ITGA5: variants seen among roughly 807,000 people sequenced by gnomAD.
ITGA5 encodes the protein integrin subunit alpha 5, also known as integrin alpha-5.
Under a neutral mutation model 146.3 loss-of-function variants are expected in ITGA5, and 55 were observed. That is an observed-to-expected ratio of 0.38 (90% confidence interval 0.30 to 0.47). ITGA5 has a LOEUF of 0.47. Among genes scored for constraint, ITGA5 ranks in the 20% least tolerant of loss-of-function variants. The pLI, the probability that ITGA5 is intolerant of heterozygous loss-of-function variation, is 0.99. For missense variants in ITGA5, 1,131 were observed against 1,329.0 expected (o/e 0.85, Z 2.32); for synonymous variants, 500 against 531.8 (o/e 0.94, Z 0.82).
At position 54,404,800 on chromosome 12, in the gene ITGA5, G is replaced by T; in HGVS notation, c.1320C>A (p.Ser440=). The T allele has an allele frequency of 6.2e-7, 1 of 1,613,984 alleles. No homozygotes were observed. The highest frequency in any genetic ancestry group is 8.5e-7 in the Non-Finnish European group (1 of 1,179,920). ...GGPGGLGSKP[S]QVLQPLWAAS... The stretch of plus-strand genomic sequence containing the variant: ...CTGCCCACAGGGGCTGCAGAACCTG[G>T]GAAGGCTTAGAGCCCAGCCCTCCTG... Residue 440 remains serine (S), a synonymous_variant, in exon 13 of 30, where the codon TCC becomes TCA. Transcript: ENST00000293379.
chr12:54,407,650 T>C lies in ITGA5; in HGVS notation c.905A>G (p.Tyr302Cys), dbSNP rs557409701. 5 of 1,612,518 alleles carry C rather than the reference T, an allele frequency of 3.1e-6. No homozygotes were observed. Among genetic ancestry groups the C allele is most frequent in the Non-Finnish European group, 4.2e-6 (5 of 1,178,664 alleles). ...GTGAGGGGTCAGGCTGGGTCTTACA[T>C]AGCCGTAAGTGAGGTTCCCTTTGGG... ...GVPKGNLTYG[Y>C]VTILNGSDIR... The change falls in exon 9 of 30, where the codon TAT (tyrosine) becomes TGT (cysteine). Residue 302 changes from tyrosine to cysteine, a missense_variant and splice_region_variant. This residue lies in a region of ITGA5 where 889 missense variants were observed against 1,021.5 expected (regional missense o/e 0.87). Coordinates refer to ENST00000293379, the MANE Select transcript of ITGA5 (RefSeq NM_002205.5).
At position 54,409,037 on chromosome 12, in the gene ITGA5, GGAGA is replaced by G. The variant is rs1449777267; in HGVS notation, c.584-87_584-84del. 1 of 1,477,158 alleles carries G rather than the reference GGAGA, an allele frequency of 6.8e-7. No individual in the cohort carries two copies. The highest frequency in any genetic ancestry group is 1.7e-5 in the Admixed American group (1 of 58,662). 91.5% of individuals were successfully genotyped at this position (1,477,158 alleles called of 1,614,324 possible). A position where few individuals can be genotyped will look rare whatever the true frequency, so the allele number is the denominator to read the frequency against. On this transcript the variant is annotated intron_variant, in intron 4 of 29. Transcript: ENST00000293379. This position sits in a 1 kb window ranked among gnomAD's most constrained non-coding sequence, Gnocchi z 4.7. Reference sequence around the variant, plus strand: ...AAGAGAGGGCATAGGGAAGGAGGTGGGAGAGAGAACCAGAGAAAGGGCCTTCCTG... The same window carrying G: ...AAGAGAGGGCATAGGGAAGGAGGTGGGAGAACCAGAGAAAGGGCCTTCCTG...
intron 1 of ITGA5, among the ~76,000 whole-genome samples, chr12:54,414,506 T>A (rs1955981406): frequency 6.6e-6 from 1 of 152,212 alleles, no homozygotes; most frequent in South Asian, 2.1e-4. Context: ...TATCTCATGC[T>A]GGTCAGAAAC....
intron 14 of ITGA5, 25 bp from the exon 15 acceptor site, chr12:54,404,271 A>G (rs1592287639): frequency 3.8e-6 from 6 of 1,592,896 alleles, no homozygotes; most frequent in Non-Finnish European, 5.1e-6. Context: ...TGTGGGGTCA[A>G]TAGAATTAGG....
At chr12:54,415,503 A>C (rs1361262887) in intron 1 of ITGA5, among the ~76,000 whole-genome samples, 1 of 152,206 alleles carries the variant, frequency 6.6e-6, no homozygotes, top group African/African-American at 2.4e-5. Context: ...CAGAGGAGTT[A>C]AGTAATGGGC....
intron 2 of ITGA5, among the ~76,000 whole-genome samples, chr12:54,410,887 C>T (rs770902930): frequency 1.3e-5 from 2 of 152,140 alleles, no homozygotes; most frequent in African/African-American, 4.8e-5. Flanking sequence ...CCACCATGCC[C>T]GGCTAATTTT....
Position 54,396,333 on chromosome 12 carries a change from TCCATGGCGGTG to T in ITGA5, c.3099_3109del (p.Thr1034LysfsTer11). 6.2e-7 allele frequency: 1 copy of T among 1,614,156 alleles called. No homozygotes were observed. The highest frequency in any genetic ancestry group is 8.5e-7 in the Non-Finnish European group (1 of 1,179,998). The stretch of plus-strand genomic sequence containing the variant: ...GGCTGGAGGCTTGAGCTGAGCTTTT[TCCATGGCGGTG>T]CCATATGGGAGGGAGCGTTTGAAGA... On this transcript the variant is annotated frameshift_variant, in exon 30 of 30. Transcript: ENST00000293379. LOFTEE classifies it high-confidence loss of function.
intron 1 of ITGA5, among the ~76,000 whole-genome samples, chr12:54,415,605 T>C (rs926709549): frequency 1.3e-5 from 2 of 152,176 alleles, no homozygotes; most frequent in South Asian, 4.1e-4. Flanking sequence ...ATTGCCAACT[T>C]ATTCCCTCCT....
Position 54,416,008 on chromosome 12 carries a change from T to G in ITGA5, c.218+2973A>C, listed in dbSNP as rs556164351. On this transcript the variant is annotated intron_variant, in intron 1 of 29. Coordinates refer to ENST00000293379, the MANE Select transcript of ITGA5 (RefSeq NM_002205.5). The surrounding 1 kb of genome is among the most constrained non-coding windows in gnomAD (Gnocchi z 4.1). ...TCCCTTGAATGTTTCCTAAACTAAC[T>G]TCTGGTTCAAAATTTCTATGACTCC... Among the ~76,000 whole-genome samples the G allele has an allele frequency of 1.1e-4, 17 of 152,224 alleles. No individual in the cohort carries two copies. The highest frequency in any genetic ancestry group is 2.0e-4 in the Admixed American group (3 of 15,290).
In ITGA5 at chr12:54,399,735, G is replaced by C; in HGVS notation, c.2751C>G (p.Phe917Leu). The C allele has an allele frequency of 6.2e-7, 1 of 1,614,168 alleles. No homozygotes were observed. The highest frequency in any genetic ancestry group is 8.5e-7 in the Non-Finnish European group (1 of 1,180,002). Residue 917 changes from phenylalanine (F) to leucine (L), a missense_variant, in exon 27 of 30, where the codon TTC (phenylalanine) becomes TTG (leucine). Phe to Leu is a conservative substitution (Grantham distance 22). Transcript: ENST00000293379. ...QILKCPEAEC[F>L]RLRCELGPLH... ...GGGGCCCGAGCTCACAGCGCAGCCTGAAACACTCAGCCTCCGGGCATTTCT... is the reference window on the plus strand; with the variant it reads ...GGGGCCCGAGCTCACAGCGCAGCCTCAAACACTCAGCCTCCGGGCATTTCT...
chr12:54,404,783 AG>A lies in ITGA5; in HGVS notation c.1336del (p.Leu446CysfsTer29). On this transcript the variant is annotated frameshift_variant, in exon 13 of 30. Transcript: ENST00000293379. LOFTEE classifies it high-confidence loss of function. ...GTCTGGGGTGTGGCTGGCTGCCCAC[AG>A]GGGCTGCAGAACCTGGGAAGGCTTA... ...GSKPSQVLQP[L>X]WAASHTPDFF... The A allele has an allele frequency of 6.2e-7, 1 of 1,613,980 alleles. No individual in the cohort carries two copies. The highest frequency in any genetic ancestry group is 8.5e-7 in the Non-Finnish European group (1 of 1,179,888).
At position 54,408,238 on chromosome 12, in the gene ITGA5, G is replaced by A. The variant is rs1283462208; in HGVS notation, c.692-3C>T. The A allele has an allele frequency of 1.9e-6, 3 of 1,613,916 alleles. No homozygotes were observed. Among genetic ancestry groups the A allele is most frequent in the African/African-American group, 1.3e-5 (1 of 74,926 alleles). ...CTGAGTGGCAGACAGGATCTGGCCT[G>A]GAGAGAGTATGAAGAGGGAGTAGAT... On this transcript the variant is annotated splice_polypyrimidine_tract_variant and splice_region_variant and intron_variant, in intron 6 of 29. Coordinates refer to ENST00000293379, the MANE Select transcript of ITGA5 (RefSeq NM_002205.5).
Position 54,401,463 on chromosome 12 carries a change from C to T in ITGA5, c.2403G>A (p.Glu801=). 5 of 1,613,850 alleles carry T rather than the reference C, an allele frequency of 3.1e-6. No homozygotes were observed. The highest frequency in any genetic ancestry group is 1.1e-5 in the South Asian group (1 of 91,072). ...AGTCGCTTACTGGGAATAGCACTGC[C>T]TCAGGCTTGGAGACACTAAGGAGGA... ...QVTLNGVSKP[E]AVLFPVSDWH... is the part of the protein sequence containing the mutation. Residue 801 remains glutamate, a synonymous_variant, in exon 24 of 30, where the codon GAG becomes GAA. Transcript: ENST00000293379. This position sits in a 1 kb window ranked among gnomAD's most constrained non-coding sequence, Gnocchi z 5.0.
Position 54,397,355 on chromosome 12 carries a change from T to C in ITGA5, c.3066+10A>G. On this transcript the variant is annotated intron_variant, in intron 29 of 29. Transcript: ENST00000293379. Reference sequence around the variant, plus strand: ...GAGGGTGGCCAAGTCACAAGCAGGATGTGGCTGACCTTGTAGAGGATGTAG... The same window carrying C: ...GAGGGTGGCCAAGTCACAAGCAGGACGTGGCTGACCTTGTAGAGGATGTAG... The C allele has an allele frequency of 1.9e-6, 3 of 1,613,736 alleles. No homozygotes were observed. The highest frequency in any genetic ancestry group is 2.5e-6 in the Non-Finnish European group (3 of 1,179,786).
intron 2 of ITGA5, 30 bp downstream of exon 2, chr12:54,411,804 C>A (rs771447254): frequency 5.4e-6 from 8 of 1,471,104 alleles, no homozygotes; most frequent in Admixed American, 2.3e-5. Flanking sequence ...GTCCCACCCC[C>A]CAGTCCCTCC....
At position 54,395,511 on chromosome 12, in the gene ITGA5, C is replaced by T. The variant is rs992878251; in HGVS notation, c.*782G>A. On this transcript the variant is annotated 3_prime_UTR_variant, in exon 30 of 30. Transcript: ENST00000293379. Reference sequence around the variant, plus strand: ...TCCAGATCTGTTGCCATCATGGCCCCTTCAGGGTCCTGGGAAATTCCTGGC... The same window carrying T: ...TCCAGATCTGTTGCCATCATGGCCCTTTCAGGGTCCTGGGAAATTCCTGGC... 2 of 152,634 alleles carry T rather than the reference C, an allele frequency of 1.3e-5. No homozygotes were observed. Among genetic ancestry groups the T allele is most frequent in the Non-Finnish European group, 2.9e-5 (2 of 68,046 alleles). 9.5% of individuals were successfully genotyped at this position (152,634 alleles called of 1,614,324 possible). A position where few individuals can be genotyped will look rare whatever the true frequency, so the allele number is the denominator to read the frequency against.
At chr12:54,397,202 G>T in intron 29 of ITGA5, 163 bp downstream of exon 29, 3 of 637,502 alleles carry the variant, frequency 4.7e-6, no homozygotes, top group South Asian at 4.4e-5. Context: ...AGAATGAAGG[G>T]GGGGATCTTA....
At position 54,408,245 on chromosome 12, in the gene ITGA5, G is replaced by A; in HGVS notation, c.692-10C>T. The A allele has an allele frequency of 6.2e-7, 1 of 1,613,944 alleles. No homozygotes were observed. The highest frequency in any genetic ancestry group is 8.5e-7 in the Non-Finnish European group (1 of 1,179,958). ...GCAGACAGGATCTGGCCTGGAGAGA[G>A]TATGAAGAGGGAGTAGATGGAGAGG... is the stretch of plus-strand genomic sequence containing the variant. On this transcript the variant is annotated splice_polypyrimidine_tract_variant and intron_variant, in intron 6 of 29. Coordinates refer to ENST00000293379, the MANE Select transcript of ITGA5 (RefSeq NM_002205.5).
intron 26 of ITGA5, 36 bp downstream of exon 26, chr12:54,399,828 C>A (rs1216323963): frequency 6.2e-7 from 1 of 1,606,204 alleles, no homozygotes; most frequent in South Asian, 1.1e-5. Context: ...GAGTACTCAA[C>A]ACTTTGGTCC....
Sources: allele counts gnomAD v4.1 joint callset (sites outside exome capture counted in the v4.1 genomes callset), GRCh38; gene constraint gnomAD v4.1.1; regional missense constraint gnomAD v4.1.1; non-coding constraint Gnocchi (gnomAD v3.1); transcripts MANE v1.5; gene names NCBI Gene and HGNC (gene_info 2026-07-23, HGNC 2026-07-21).